Variants in TTC29 observed in about 807,000 individuals in gnomAD.
TTC29 encodes the protein tetratricopeptide repeat domain 29.
TTC29 carries 49 observed loss-of-function variants against 58.1 expected under a neutral mutation model. The observed-to-expected ratio is 0.84, with a 90% CI of 0.67 to 1.07. The LOEUF (loss-of-function observed/expected upper bound fraction) is 1.07, where lower values mean the gene tolerates loss of function less well. TTC29 is among the 50% of genes least tolerant of loss of function. The pLI, the probability that TTC29 is intolerant of heterozygous loss-of-function variation, is 0.00. For missense variants in TTC29, 582 were observed against 555.6 expected (o/e 1.05, Z -0.48); for synonymous variants, 209 against 196.8 (o/e 1.06, Z -0.52).
At chr4:146,923,922 T>C (rs1734760189) in intron 4 of TTC29, among the ~76,000 whole-genome samples, 1 of 151,736 alleles carries the variant, frequency 6.6e-6, no homozygotes, top group Non-Finnish European at 1.5e-5. Context: ...AAAAGGCAAA[T>C]AAATCAATAT....
chr4:146,889,016 G>A (rs1579917102), intron 6 of TTC29, among the ~76,000 whole-genome samples: 1 of 152,148 alleles, frequency 6.6e-6, no homozygotes, highest in African/African-American at 2.4e-5. Context: ...ACACTTGAGT[G>A]ATGCTCAAAT....
At chr4:146,913,641 A>G (rs1247902900) in intron 4 of TTC29, among the ~76,000 whole-genome samples, 2 of 152,086 alleles carry the variant, frequency 1.3e-5, no homozygotes, top group African/African-American at 2.4e-5. Context: ...GAATCTTGAC[A>G]AGATTCTCTC....
At chr4:146,904,410 A>C (rs138053897) in intron 5 of TTC29, among the ~76,000 whole-genome samples, 15 of 152,134 alleles carry the variant, frequency 9.9e-5, no homozygotes, top group African/African-American at 3.1e-4. Context: ...GAAAGTTCTT[A>C]ATTAAACTCT....
intron 6 of TTC29, among the ~76,000 whole-genome samples, chr4:146,882,619 A>C (rs1731706744): frequency 6.6e-6 from 1 of 152,130 alleles, no homozygotes. Context: ...TGTAATTTTT[A>C]CTTGAATTAT....
intron 11 of TTC29, among the ~76,000 whole-genome samples, chr4:146,726,445 T>C (rs544854337): frequency 1.3e-5 from 2 of 152,166 alleles, no homozygotes; most frequent in African/African-American, 4.8e-5. Flanking sequence ...TGAGACTCTG[T>C]CTCAAAAAGA....
chr4:146,944,588 GTGTCTGC>G (rs1211679575), intron 2 of TTC29, among the ~76,000 whole-genome samples: 1 of 152,150 alleles, frequency 6.6e-6, no homozygotes, highest in Non-Finnish European at 1.5e-5. Context: ...AGGCTGACCA[GTGTCTGC>G]AGGGTTCAGT....
At chr4:146,711,183 CT>C (rs1490777738) in intron 11 of TTC29, among the ~76,000 whole-genome samples, 1 of 152,080 alleles carries the variant, frequency 6.6e-6, no homozygotes, top group African/African-American at 2.4e-5. Context: ...TTCAACCTTT[CT>C]TCAACAAACC....
chr4:146,822,211 C>CCAT, intron 9 of TTC29, among the ~76,000 whole-genome samples: 1 of 149,836 alleles, frequency 6.7e-6, no homozygotes, highest in Admixed American at 6.6e-5. Context: ...ACCTATTGAT[C>CCAT]CATCCTCTAA....
At position 146,803,521 on chromosome 4, in the gene TTC29, G is replaced by A. The variant is rs1445770095; in HGVS notation, c.1266C>T (p.Thr422=). 5 of 1,601,398 alleles carry A rather than the reference G, an allele frequency of 3.1e-6. No individual in the cohort carries two copies. In the East Asian group the frequency reaches 6.7e-5, roughly 22 times the overall value. ...TCCATGACAGCAGGTAGTTGAGGCT[G>A]GTGAGATCTGCAGACTCTATATAGT... ...VNNYIESADL[T]SLNYLLSWKE... is the part of the protein sequence containing the mutation. The change falls in exon 11 of 13, where the codon ACC becomes ACT. Residue 422 remains threonine (T), a synonymous_variant. Transcript: ENST00000325106.
chr4:146,939,179 G>T (rs986631797), intron 3 of TTC29, among the ~76,000 whole-genome samples: 1 of 152,156 alleles, frequency 6.6e-6, no homozygotes, highest in Non-Finnish European at 1.5e-5. Flanking sequence ...TTCAGTCTGG[G>T]CATGGCGGCT....
intron 6 of TTC29, among the ~76,000 whole-genome samples, chr4:146,895,561 C>T (rs1209481408): frequency 6.6e-6 from 1 of 152,140 alleles, no homozygotes; most frequent in Non-Finnish European, 1.5e-5. Context: ...GATCTTTGAA[C>T]TCTATGAGGA....
intron 4 of TTC29, among the ~76,000 whole-genome samples, chr4:146,922,129 A>G (rs1011056735): frequency 6.6e-6 from 1 of 151,212 alleles, no homozygotes; most frequent in Non-Finnish European, 1.5e-5. Context: ...AAATTTTCAC[A>G]TATTTAGAAT....
chr4:146,825,596 G>A (rs1190382156), intron 9 of TTC29, among the ~76,000 whole-genome samples: 7 of 152,182 alleles, frequency 4.6e-5, no homozygotes. Context: ...GGGGTAGAGA[G>A]TTCTGTAGCT....
At chr4:146,905,834 C>A (rs1032554865) in intron 5 of TTC29, among the ~76,000 whole-genome samples, 5 of 152,150 alleles carry the variant, frequency 3.3e-5, no homozygotes, top group Admixed American at 6.6e-5. Flanking sequence ...AATAAATTAA[C>A]CTGCTTAACC....
intron 11 of TTC29, among the ~76,000 whole-genome samples, chr4:146,765,708 G>A (rs1389463929): frequency 2.0e-5 from 3 of 152,104 alleles, no homozygotes; most frequent in Non-Finnish European, 1.5e-5. Context: ...GGCCCCAAAC[G>A]GAGTGAATGG....
intron 5 of TTC29, among the ~76,000 whole-genome samples, chr4:146,906,816 T>C (rs1231123579): frequency 6.6e-6 from 1 of 152,178 alleles, no homozygotes; most frequent in East Asian, 1.9e-4. Context: ...GAAGAGACTT[T>C]GGCTATTATA....
chr4:146,842,142 C>T (rs1030030666), intron 8 of TTC29, among the ~76,000 whole-genome samples: 1 of 152,008 alleles, frequency 6.6e-6, no homozygotes. Context: ...ATAGCCTTCC[C>T]CATAGCAAAC....
chr4:146,809,931 A>AAACC (rs1750898645), intron 10 of TTC29, among the ~76,000 whole-genome samples: 1 of 133,184 alleles, frequency 7.5e-6, no homozygotes, highest in Non-Finnish European at 1.6e-5. Context: ...CCCAAGGATT[A>AAACC]TAAATCATTC....
At chr4:146,774,775 T>C (rs1260771966) in intron 11 of TTC29, among the ~76,000 whole-genome samples, 1 of 152,184 alleles carries the variant, frequency 6.6e-6, no homozygotes, top group African/African-American at 2.4e-5. Context: ...ATATCTTTGT[T>C]AGTTATCAAT....
Sources: allele counts gnomAD v4.1 joint callset (sites outside exome capture counted in the v4.1 genomes callset), GRCh38; gene constraint gnomAD v4.1.1; transcripts MANE v1.5; gene names NCBI Gene and HGNC (gene_info 2026-07-23, HGNC 2026-07-21).